The following LYRM4 variants were observed in gnomAD, a reference collection of about 807,000 sequenced individuals.
The protein encoded by LYRM4 is LYR motif containing 4, also known as LYR motif-containing protein 4.
Under a neutral mutation model 11.7 loss-of-function variants are expected in LYRM4, and 9 were observed. The observed-to-expected ratio is 0.77, with a 90% CI of 0.46 to 1.34. LYRM4 has a LOEUF of 1.34. LYRM4 is among the 40% of genes most tolerant of loss of function. The pLI is 0.00. For synonymous variants in LYRM4, 42 were observed against 40.4 expected (o/e 1.04, Z -0.15); for missense variants, 133 against 112.5 (o/e 1.18, Z -0.82).
chr6:5,072,113 A>C, the LYRM4 span, among the ~76,000 whole-genome samples: 2 of 152,192 alleles, frequency 1.3e-5, no homozygotes, highest in Non-Finnish European at 2.9e-5. Context: ...TACTAAGAAT[A>C]ATGGCCTCCA....
chr6:5,247,757 T>A (rs1467556427), intron 1 of LYRM4, among the ~76,000 whole-genome samples: 1 of 152,096 alleles, frequency 6.6e-6, no homozygotes, highest in Non-Finnish European at 1.5e-5. Flanking sequence ...GCTTAATAGA[T>A]GCATCAGTGA....
At position 5,172,714 on chromosome 6, in the gene LYRM4, T is replaced by A. The variant is rs77054682; in HGVS notation, c.207+43904A>T. On this transcript the variant is annotated intron_variant, in intron 2 of 2. Transcript: ENST00000330636. ...AAAAATCATTCTCATGCTCACAAAG[T>A]CAAAACCCTGATGTTTGCATTAATT... Among the ~76,000 whole-genome samples, 44 of 152,286 alleles carry A rather than the reference T, an allele frequency of 2.9e-4. 1 individual carries two copies. The East Asian group carries it at 5.8e-3, about 20-fold the overall frequency.
rs907660201 is a variant in LYRM4, at chr6:5,258,657, G to T, written c.86+1991C>A. Among the ~76,000 whole-genome samples, 11 of 152,318 alleles carry T rather than the reference G, an allele frequency of 7.2e-5. No homozygotes were observed. In the East Asian group the frequency reaches 2.1e-3, roughly 29 times the overall value. On this transcript the variant is annotated intron_variant, in intron 1 of 2. Transcript: ENST00000330636. ...TATCTAGGGAGGTAATAGCAGGAAT[G>T]TCGGTTTTTAGGTCTATGATCTCAG...
At chr6:5,039,754 T>TTA in the LYRM4 span, among the ~76,000 whole-genome samples, 1 of 152,142 alleles carries the variant, frequency 6.6e-6, no homozygotes, top group East Asian at 1.9e-4. Flanking sequence ...ATTGAAAATC[T>TTA]GATCTAAAAT....
At chr6:5,123,330 G>A (rs1051480531) in intron 2 of LYRM4, among the ~76,000 whole-genome samples, 8 of 152,312 alleles carry the variant, frequency 5.3e-5, no homozygotes, top group Admixed American at 3.9e-4. Context: ...AGAACAGAGG[G>A]TGGGACATGG....
the LYRM4 span, among the ~76,000 whole-genome samples, chr6:5,040,874 G>A: frequency 1.2e-5 from 1 of 80,348 alleles, no homozygotes; most frequent in Admixed American, 1.8e-4. Context: ...TCAAAATTTG[G>A]GGAAACAGAA....
chr6:5,071,347 T>A, the LYRM4 span, among the ~76,000 whole-genome samples: 1 of 152,062 alleles, frequency 6.6e-6, no homozygotes, highest in South Asian at 2.1e-4. Context: ...TTTAAAAAAT[T>A]TTTTTAAACC....
chr6:5,197,897 T>C (rs2773289), intron 2 of LYRM4, among the ~76,000 whole-genome samples: 56,238 of 151,438 alleles, frequency 0.37, 12,455 homozygotes, highest in African/African-American at 0.63. Context: ...CAGCGCCGGG[T>C]GCGGTGGCTC....
intron 2 of LYRM4, chr6:5,138,854 G>A: frequency 1.4e-6 from 1 of 712,890 alleles, no homozygotes; most frequent in Non-Finnish European, 2.3e-6. Context: ...CAGGTTAAAA[G>A]CTAGAAATGA....
chr6:5,200,586 G>C (rs1761330423), intron 2 of LYRM4, among the ~76,000 whole-genome samples: 2 of 152,226 alleles, frequency 1.3e-5, no homozygotes, highest in South Asian at 2.1e-4. Context: ...GAGAGATCCA[G>C]AGATCAGGGA....
At chr6:5,163,264 T>C (rs1468682700) in intron 2 of LYRM4, among the ~76,000 whole-genome samples, 1 of 152,204 alleles carries the variant, frequency 6.6e-6, no homozygotes, top group African/African-American at 2.4e-5. Flanking sequence ...TCAAGACATC[T>C]TTCCCTTCAA....
At chr6:5,201,623 C>T (rs899689887) in intron 2 of LYRM4, among the ~76,000 whole-genome samples, 4 of 152,102 alleles carry the variant, frequency 2.6e-5, no homozygotes, top group African/African-American at 9.7e-5. Flanking sequence ...TGACCCCCTG[C>T]ACCTCATTTC....
intron 2 of LYRM4, among the ~76,000 whole-genome samples, chr6:5,121,996 T>C (rs1763478040): frequency 6.6e-6 from 1 of 152,222 alleles, no homozygotes. Flanking sequence ...GGCTGCCTGT[T>C]GTTATTTTAC....
intron 1 of LYRM4, among the ~76,000 whole-genome samples, chr6:5,246,409 G>C (rs1764198965): frequency 6.6e-6 from 1 of 152,208 alleles, no homozygotes; most frequent in Non-Finnish European, 1.5e-5. Context: ...ATTGGGTTCA[G>C]TTCTCTGTTC....
the LYRM4 span, among the ~76,000 whole-genome samples, chr6:5,043,634 G>A: frequency 6.6e-6 from 1 of 152,152 alleles, no homozygotes; most frequent in Non-Finnish European, 1.5e-5. Flanking sequence ...AAACCCAACA[G>A]TATGCTTTGC....
chr6:5,188,686 G>C (rs1306620528), intron 2 of LYRM4, among the ~76,000 whole-genome samples: 1 of 152,158 alleles, frequency 6.6e-6, no homozygotes, highest in Admixed American at 6.5e-5. Flanking sequence ...ACTATTGGAG[G>C]ATTAAATGAG....
chr6:5,198,757 C>T (rs1376203455), intron 2 of LYRM4, among the ~76,000 whole-genome samples: 3 of 152,166 alleles, frequency 2.0e-5, no homozygotes, highest in Admixed American at 1.3e-4. Context: ...TGTCCATCCC[C>T]GCCTCCCTGC....
chr6:5,222,249 A>C (rs1762623441), intron 1 of LYRM4, among the ~76,000 whole-genome samples: 1 of 152,250 alleles, frequency 6.6e-6, no homozygotes, highest in Non-Finnish European at 1.5e-5. Flanking sequence ...TATCATAGGC[A>C]ATATCAAAAA....
intron 2 of LYRM4, among the ~76,000 whole-genome samples, chr6:5,199,786 G>A (rs1761281250): frequency 6.6e-6 from 1 of 152,184 alleles, no homozygotes; most frequent in South Asian, 2.1e-4. Context: ...TTGGATGCTA[G>A]GACATTTGGC....
Sources: gnomAD v4.1 joint callset for allele counts (sites outside exome capture counted in the v4.1 genomes callset) on GRCh38, gnomAD v4.1.1 for gene constraint, MANE v1.5 for transcripts, NCBI Gene and HGNC (gene_info 2026-07-23, HGNC 2026-07-21) for gene names.